HDAC4: variants seen among roughly 807,000 people sequenced by gnomAD.
HDAC4 encodes histone deacetylase 4, also known as histone deacetylase A.
A neutral mutation model predicts 135.1 loss-of-function variants in HDAC4; 16 were observed. The observed-to-expected ratio is 0.12, with a 90% CI of 0.08 to 0.18. HDAC4 has a LOEUF of 0.18. Among genes scored for constraint, HDAC4 ranks in the 10% least tolerant of loss-of-function variants. The probability of loss-of-function intolerance (pLI) is 1.00; values close to 1 mark genes in which losing one functional copy is unlikely to be tolerated. For synonymous variants in HDAC4, 685 were observed against 653.4 expected, an observed-to-expected ratio of 1.05 and a Z score of -0.74; for missense variants, 1,143 against 1,511.8, an observed-to-expected ratio of 0.76 and a Z score of 4.05.
chr2:239,206,913 T>C (rs781035153), intron 3 of HDAC4, among the ~76,000 whole-genome samples: 2 of 152,250 alleles, frequency 1.3e-5, no homozygotes, highest in African/African-American at 2.4e-5. Flanking sequence ...AGAGTCCCTA[T>C]CTTTTAGAGA....
chr2:239,247,830 A>G (rs2048554399), intron 2 of HDAC4, among the ~76,000 whole-genome samples: 1 of 152,214 alleles, frequency 6.6e-6, no homozygotes, highest in Non-Finnish European at 1.5e-5. Flanking sequence ...CCCTCCCTGG[A>G]GCGAGGTGGA....
chr2:239,377,692 T>C (rs1695116381), intron 1 of HDAC4, among the ~76,000 whole-genome samples: 1 of 152,184 alleles, frequency 6.6e-6, no homozygotes, highest in South Asian at 2.1e-4. Flanking sequence ...GGCTGACAGC[T>C]CATCTGGCTG....
At chr2:239,255,848 C>G (rs183664742) in intron 2 of HDAC4, among the ~76,000 whole-genome samples, 2 of 152,192 alleles carry the variant, frequency 1.3e-5, no homozygotes, top group Non-Finnish European at 2.9e-5. Context: ...CAACATCACA[C>G]GTGCATGTCG....
At chr2:239,381,096 C>T (rs1399106515) in intron 1 of HDAC4, among the ~76,000 whole-genome samples, 7 of 152,132 alleles carry the variant, frequency 4.6e-5, no homozygotes, top group Non-Finnish European at 8.8e-5. Context: ...GAACACGTGA[C>T]GTACACGCGA....
chr2:239,212,705 G>A (rs1247422838), intron 3 of HDAC4, among the ~76,000 whole-genome samples: 3 of 152,200 alleles, frequency 2.0e-5, no homozygotes, highest in Non-Finnish European at 4.4e-5. Flanking sequence ...ATGCCAAGGG[G>A]TGAGGCTGTG....
At chr2:239,380,594 T>C (rs1025367487) in intron 1 of HDAC4, among the ~76,000 whole-genome samples, 1 of 152,214 alleles carries the variant, frequency 6.6e-6, no homozygotes, top group African/African-American at 2.4e-5. Context: ...TTTTGCAAGA[T>C]GAAAAAATTC....
intron 2 of HDAC4, chr2:239,298,776 C>T (rs559959980): frequency 1.3e-5 from 3 of 223,920 alleles, no homozygotes; most frequent in African/African-American, 2.4e-5. Flanking sequence ...AATTATCTCT[C>T]GGAGACTTAA....
At chr2:239,185,282 G>C (rs2044471949) in intron 4 of HDAC4, among the ~76,000 whole-genome samples, 1 of 151,886 alleles carries the variant, frequency 6.6e-6, no homozygotes, top group Admixed American at 6.5e-5. Flanking sequence ...GTGTCTTCTG[G>C]GGAGAGGAAT....
intron 20 of HDAC4, 50 bp downstream of exon 20, chr2:239,084,105 G>T: frequency 7.4e-7 from 1 of 1,345,204 alleles, no homozygotes; most frequent in Non-Finnish European, 1.1e-6. Flanking sequence ...TCCGCTCGGG[G>T]ACGGCAAAGG....
At chr2:239,325,675 A>C (rs920236498) in intron 2 of HDAC4, among the ~76,000 whole-genome samples, 1 of 152,230 alleles carries the variant, frequency 6.6e-6, no homozygotes, top group African/African-American at 2.4e-5. Context: ...CTAAAAACTT[A>C]AACACAGGGC....
At chr2:239,180,389 T>A (rs11681339) in intron 4 of HDAC4, among the ~76,000 whole-genome samples, 1 of 151,980 alleles carries the variant, frequency 6.6e-6, no homozygotes, top group African/African-American at 2.4e-5. Flanking sequence ...TGCTGAGGAC[T>A]CAGCCGGTTT....
intron 3 of HDAC4, among the ~76,000 whole-genome samples, chr2:239,220,359 CCAAA>C (rs1281855122): frequency 6.6e-6 from 1 of 151,878 alleles, no homozygotes; most frequent in Non-Finnish European, 1.5e-5. Context: ...CAAAAGGAAC[CCAAA>C]CAAATAAAAA....
intron 2 of HDAC4, among the ~76,000 whole-genome samples, chr2:239,294,296 G>A (rs1241562020): frequency 1.4e-5 from 2 of 145,588 alleles, no homozygotes; most frequent in South Asian, 2.2e-4. Flanking sequence ...GCTGTTCGCC[G>A]TGAGGACGTG....
At chr2:239,202,572 A>C (rs7561354) in intron 3 of HDAC4, among the ~76,000 whole-genome samples, 131,829 of 151,872 alleles carry the variant, frequency 0.87, 57,412 homozygotes, top group South Asian at 0.97. Context: ...TGTGGCTGGT[A>C]TTCAACACAG....
At chr2:239,067,049 G>C (rs896937875) in intron 23 of HDAC4, 194 bp from the exon 24 acceptor site, 24 of 667,290 alleles carry the variant, frequency 3.6e-5, no homozygotes, top group Middle Eastern at 5.3e-4. Context: ...TTTGAGAGGA[G>C]GAATTATGGC....
intron 3 of HDAC4, among the ~76,000 whole-genome samples, chr2:239,223,969 G>A (rs967947113): frequency 2.6e-5 from 4 of 151,994 alleles, no homozygotes; most frequent in Non-Finnish European, 4.4e-5. Flanking sequence ...AATGCCCAGC[G>A]CAGGCCCCTC....
At chr2:239,280,900 C>A (rs1180373032) in intron 2 of HDAC4, among the ~76,000 whole-genome samples, 2 of 150,486 alleles carry the variant, frequency 1.3e-5, no homozygotes, top group African/African-American at 4.9e-5. Context: ...AATGTACACA[C>A]CACTCTACAA....
chr2:239,395,014 G>A (rs1008174313), intron 1 of HDAC4, among the ~76,000 whole-genome samples: 1 of 152,262 alleles, frequency 6.6e-6, no homozygotes, highest in Non-Finnish European at 1.5e-5. Flanking sequence ...ATTAGGCTAA[G>A]TTTAACAGGG....
rs1691591665 is a variant in HDAC4 at position 239,331,801 on chromosome 2, G to A, written c.22+20877C>T. Among the ~76,000 whole-genome samples, 1 of 152,142 alleles carries A rather than the reference G, an allele frequency of 6.6e-6. No individual in the cohort carries two copies. Among genetic ancestry groups the A allele is most frequent in the African/African-American group, 2.4e-5 (1 of 41,418 alleles). On this transcript the variant is annotated intron_variant, in intron 2 of 26. Coordinates refer to ENST00000543185, the MANE Select transcript of HDAC4 (RefSeq NM_001378414.1). The surrounding 1 kb of genome is among the most constrained non-coding windows in gnomAD (Gnocchi z 4.5). ...CTGGGAGAGAAGGGAGGTGGAAAGA[G>A]GGCACACTCGGCCCGCGTGTCCTCC... is the stretch of plus-strand genomic sequence containing the variant.
Sources: allele counts gnomAD v4.1 joint callset (sites outside exome capture counted in the v4.1 genomes callset), GRCh38; gene constraint gnomAD v4.1.1; non-coding constraint Gnocchi (gnomAD v3.1); transcripts MANE v1.5; gene names NCBI Gene and HGNC (gene_info 2026-07-23, HGNC 2026-07-21).